Variants in GLRA2 observed in about 807,000 individuals in gnomAD.
GLRA2 encodes glycine receptor subunit alpha-2.
GLRA2 carries 11 observed loss-of-function variants against 31.6 expected under a neutral mutation model. The observed-to-expected ratio is 0.35, with a 90% CI of 0.22 to 0.58. The LOEUF is 0.58. Among genes scored for constraint, GLRA2 ranks in the 20% least tolerant of loss-of-function variants. The pLI is 0.84. For missense variants in GLRA2, 212 were observed against 351.8 expected, an observed-to-expected ratio of 0.60 and a Z score of 3.18; for synonymous variants, 132 against 134.0, an observed-to-expected ratio of 0.99 and a Z score of 0.10.
chrX:14,653,579 A>T (rs1193927340), intron 7 of GLRA2, among the ~76,000 whole-genome samples: 1 of 112,272 alleles, frequency 8.9e-6, no homozygotes, highest in Non-Finnish European at 1.9e-5. Flanking sequence ...TGATGAAGAA[A>T]GGAAGTGGTT....
chrX:14,629,110 G>A (rs1443166662), intron 7 of GLRA2, among the ~76,000 whole-genome samples: 3 of 111,512 alleles, frequency 2.7e-5, no homozygotes, highest in African/African-American at 9.8e-5. Flanking sequence ...GACAGAAATG[G>A]GGCCAAAGCC....
At chrX:14,478,438 T>C in the GLRA2 span, among the ~76,000 whole-genome samples, 2 of 112,029 alleles carry the variant, frequency 1.8e-5, no homozygotes, top group Admixed American at 1.9e-4. Flanking sequence ...AGTAGTCCAA[T>C]TCATTGTATT....
At chrX:14,612,451 T>G (rs779390674) in intron 7 of GLRA2, among the ~76,000 whole-genome samples, 15 of 111,616 alleles carry the variant, frequency 1.3e-4, no homozygotes, top group Non-Finnish European at 2.6e-4. Flanking sequence ...AAATATCATT[T>G]GACCCAGCGA....
intron 7 of GLRA2, among the ~76,000 whole-genome samples, chrX:14,622,480 G>C (rs2090532808): frequency 8.9e-6 from 1 of 111,907 alleles, no homozygotes; most frequent in Admixed American, 9.5e-5. Context: ...TTCTTCTGGG[G>C]TTTTAGGTCT....
At chrX:14,650,739 C>A (rs1312360501) in intron 7 of GLRA2, among the ~76,000 whole-genome samples, 4 of 111,746 alleles carry the variant, frequency 3.6e-5, no homozygotes, top group Non-Finnish European at 7.5e-5. Flanking sequence ...AAGGGTCTTA[C>A]TTTCATTTGC....
the GLRA2 span, among the ~76,000 whole-genome samples, chrX:14,519,259 G>C: frequency 9.0e-6 from 1 of 111,311 alleles, no homozygotes; most frequent in African/African-American, 3.3e-5. Flanking sequence ...AGCTTAAAAA[G>C]AAGTCTGAGA....
chrX:14,709,413 C>A (rs745633018), intron 8 of GLRA2, among the ~76,000 whole-genome samples: 47 of 112,082 alleles, frequency 4.2e-4, no homozygotes, highest in Non-Finnish European at 7.1e-4. Context: ...AATCAATCTT[C>A]CCTCTGGGCC....
At chrX:14,490,852 C>T in the GLRA2 span, among the ~76,000 whole-genome samples, 1 of 111,949 alleles carries the variant, frequency 8.9e-6, no homozygotes, top group East Asian at 2.8e-4. Flanking sequence ...TTTTATAAGG[C>T]TATCTTATCA....
At chrX:14,679,826 G>GT (rs1463954457) in intron 7 of GLRA2, among the ~76,000 whole-genome samples, 1 of 111,767 alleles carries the variant, frequency 8.9e-6, no homozygotes, top group Admixed American at 9.5e-5. Context: ...ACTTTGTCAT[G>GT]TGGAACCATC....
At chrX:14,455,566 A>C in the GLRA2 span, among the ~76,000 whole-genome samples, 17 of 111,637 alleles carry the variant, frequency 1.5e-4, no homozygotes, top group Non-Finnish European at 3.0e-4. Flanking sequence ...GTTGCCCCAA[A>C]ATATGTTGAA....
At position 14,731,521 on chromosome X, in the gene GLRA2, T is replaced by A. The variant is rs1486873832; in HGVS notation, c.*1036T>A. 1 of 111,729 alleles carries A rather than the reference T, an allele frequency of 9.0e-6. No individual in the cohort carries two copies. Among genetic ancestry groups the A allele is most frequent in the Non-Finnish European group, 1.9e-5 (1 of 53,160 alleles). The allele number at this position is 111,729 out of a possible 1,213,427, so 9.2% of individuals were successfully genotyped here. ...ACTAGTCCTAATGTCAACTGACCCA[T>A]GATTTCTACTGTCAGTCAATATAAG... On this transcript the variant is annotated 3_prime_UTR_variant, in exon 9 of 9. Coordinates refer to ENST00000218075, the MANE Select transcript of GLRA2 (RefSeq NM_002063.4).
intron 7 of GLRA2, among the ~76,000 whole-genome samples, chrX:14,641,486 T>C (rs1361275831): frequency 9.0e-6 from 1 of 110,871 alleles, no homozygotes; most frequent in Non-Finnish European, 1.9e-5. Context: ...GATATTTGGG[T>C]TCAAGCCATA....
the GLRA2 span, among the ~76,000 whole-genome samples, chrX:14,458,350 A>G: frequency 1.8e-5 from 2 of 111,950 alleles, no homozygotes; most frequent in Non-Finnish European, 3.8e-5. Context: ...ATGTGTCTTT[A>G]TAGCAGCATG....
At chrX:14,701,052 C>A (rs931611197) in intron 8 of GLRA2, among the ~76,000 whole-genome samples, 5 of 110,009 alleles carry the variant, frequency 4.5e-5, no homozygotes, top group African/African-American at 1.7e-4. Context: ...TTGAAGGAAT[C>A]CCCACATGAT....
At chrX:14,522,032 G>A in the GLRA2 span, among the ~76,000 whole-genome samples, 279 of 111,547 alleles carry the variant, frequency 2.5e-3, no homozygotes, top group African/African-American at 5.1e-3. Flanking sequence ...CACATAGATC[G>A]ACTCCTCTTT....
chrX:14,470,945 A>G, the GLRA2 span, among the ~76,000 whole-genome samples: 3 of 111,170 alleles, frequency 2.7e-5, no homozygotes, highest in Non-Finnish European at 5.7e-5. Context: ...TTCCTTTGCC[A>G]GCTGCTGGTA....
In GLRA2 at chrX:14,608,967, T is replaced by C. The variant is rs775845943; in HGVS notation, c.716-24T>C. The stretch of plus-strand genomic sequence containing the variant: ...GGAAATATAAATTCAGGCTGGACTT[T>C]AAATGATCATTTCCTCCTTCTAGGA... On this transcript the variant is annotated intron_variant, in intron 6 of 8. Transcript: ENST00000218075. 4 of 758,814 alleles carry C rather than the reference T, an allele frequency of 5.3e-6. No individual in the cohort carries two copies. The South Asian group carries it at 8.5e-5, about 16-fold the overall frequency. The allele number at this position is 758,814 out of a possible 1,213,427, so 62.5% of individuals were successfully genotyped here.
At chrX:14,590,512 G>A (rs901901903) in intron 4 of GLRA2, among the ~76,000 whole-genome samples, 1 of 111,745 alleles carries the variant, frequency 8.9e-6, no homozygotes, top group African/African-American at 3.3e-5. Flanking sequence ...TAGGGAATAA[G>A]GACATTCTCT....
At chrX:14,627,153 C>T (rs1165301311) in intron 7 of GLRA2, among the ~76,000 whole-genome samples, 2 of 111,198 alleles carry the variant, frequency 1.8e-5, no homozygotes, top group Non-Finnish European at 3.8e-5. Flanking sequence ...AAACGGATTG[C>T]AACAATAATG....
Sources: gnomAD v4.1 joint callset for allele counts (sites outside exome capture counted in the v4.1 genomes callset) on GRCh38, gnomAD v4.1.1 for gene constraint, MANE v1.5 for transcripts, NCBI Gene and HGNC (gene_info 2026-07-23, HGNC 2026-07-21) for gene names.